The following SNTB1 variants were observed in gnomAD, a reference collection of about 807,000 sequenced individuals.
SNTB1 encodes the protein beta-1-syntrophin.
SNTB1 carries 36 observed loss-of-function variants against 48.9 expected under a neutral mutation model. The ratio of observed to expected loss-of-function variants is 0.74; its 90% CI spans 0.56 to 0.97. The LOEUF (loss-of-function observed/expected upper bound fraction) is 0.97, where lower values mean the gene tolerates loss of function less well. Among genes scored for constraint, SNTB1 ranks in the 50% least tolerant of loss-of-function variants. The probability of loss-of-function intolerance (pLI) is 0.00; values close to 1 mark genes in which losing one functional copy is unlikely to be tolerated. For synonymous variants in SNTB1, 299 were observed against 294.6 expected, an observed-to-expected ratio of 1.01 and a Z score of -0.15; for missense variants, 786 against 703.4, an observed-to-expected ratio of 1.12 and a Z score of -1.33.
chr8:120,811,994 A>T lies in SNTB1; in HGVS notation c.-151T>A. ...GCGGGACTCCGCTCCGGGAGTTCGC[A>T]GACGCACTCGGCGGGAGTTGGCAGC... On this transcript the variant is annotated 5_prime_UTR_variant, in exon 1 of 7. Transcript: ENST00000517992. The T allele has an allele frequency of 7.9e-7, 1 of 1,268,850 alleles. No homozygotes were observed. The highest frequency in any genetic ancestry group is 3.0e-4 in the Middle Eastern group (1 of 3,310). The allele number at this position is 1,268,850 out of a possible 1,614,324, so 78.6% of individuals were successfully genotyped here.
At chr8:120,702,872 C>T (rs1043279602) in intron 1 of SNTB1, among the ~76,000 whole-genome samples, 1 of 152,134 alleles carries the variant, frequency 6.6e-6, no homozygotes, top group African/African-American at 2.4e-5. Context: ...CTTTTGATAC[C>T]TTCACTTTTC....
At chr8:120,669,741 C>T (rs1444531527) in intron 2 of SNTB1, among the ~76,000 whole-genome samples, 2 of 151,238 alleles carry the variant, frequency 1.3e-5, no homozygotes, top group South Asian at 2.1e-4. Context: ...CGTGAGCCAC[C>T]GCGCCCGGCC....
At chr8:120,550,652 G>A (rs1387537829) in intron 4 of SNTB1, among the ~76,000 whole-genome samples, 1 of 152,050 alleles carries the variant, frequency 6.6e-6, no homozygotes, top group African/African-American at 2.4e-5. Flanking sequence ...GCCCACACAA[G>A]GGGATTTAAC....
intron 1 of SNTB1, among the ~76,000 whole-genome samples, chr8:120,779,134 T>C (rs1051059000): frequency 6.6e-6 from 1 of 152,200 alleles, no homozygotes; most frequent in Admixed American, 6.5e-5. Context: ...CTGATAGTCA[T>C]AGGATCTAAT....
intron 1 of SNTB1, among the ~76,000 whole-genome samples, chr8:120,760,733 C>G (rs1431253038): frequency 1.3e-5 from 2 of 151,986 alleles, no homozygotes; most frequent in Non-Finnish European, 2.9e-5. Flanking sequence ...TTTACCAGAG[C>G]CTAACCTAGT....
In SNTB1 at chr8:120,759,798, C is replaced by T. The variant is rs550588248; in HGVS notation, c.571+51475G>A. ...TTGGCCCTCTAGTGTTCCCCACAAGCCTAGAGTCTCCTTGAGAGAAGGCCT... is the reference window on the plus strand; with the variant it reads ...TTGGCCCTCTAGTGTTCCCCACAAGTCTAGAGTCTCCTTGAGAGAAGGCCT... On this transcript the variant is annotated intron_variant, in intron 1 of 6. Coordinates refer to ENST00000517992, the MANE Select transcript of SNTB1 (RefSeq NM_021021.4). Among the ~76,000 whole-genome samples, 5 of 152,294 alleles carry T rather than the reference C, an allele frequency of 3.3e-5. No homozygotes were observed. In the South Asian group the frequency reaches 1.0e-3, roughly 32 times the overall value.
At position 120,693,830 on chromosome 8, in the gene SNTB1, G is replaced by A. The variant is rs1199225803; in HGVS notation, c.650C>T (p.Pro217Leu). The A allele has an allele frequency of 6.8e-6, 11 of 1,614,060 alleles. No homozygotes were observed. The highest frequency in any genetic ancestry group is 1.3e-5 in the African/African-American group (1 of 74,928). ...GCTGCCCCCTAACCGAGGGGATTCA[G>A]GCGGAGGTGTTTCCCACCCAATCTC... Reference protein sequence around the residue: ...VSEIGWETPPPESPRLGGSTS... With the variant: ...VSEIGWETPPLESPRLGGSTS... Residue 217 changes from proline to leucine, a missense_variant, in exon 2 of 7, where the codon CCT (proline) becomes CTT (leucine). Coordinates refer to ENST00000517992, the MANE Select transcript of SNTB1 (RefSeq NM_021021.4).
At chr8:120,784,805 G>T (rs116682340) in intron 1 of SNTB1, among the ~76,000 whole-genome samples, 1 of 152,144 alleles carries the variant, frequency 6.6e-6, no homozygotes. Context: ...AAGAAAAACG[G>T]AAAGAAATTG....
rs556385057 is a variant in SNTB1 at position 120,763,812 on chromosome 8, C to A, written c.571+47461G>T. Among the ~76,000 whole-genome samples the A allele has an allele frequency of 7.0e-4, 103 of 147,628 alleles. 1 individual carries two copies. The highest frequency in any genetic ancestry group is 2.7e-3 in the African/African-American group (101 of 37,174). Reference sequence around the variant, plus strand: ...ATTTTTTTTTTGTTTATTATGTGAGCAAACACCAAAATATTTGTTTGTTTT... The same window carrying A: ...ATTTTTTTTTTGTTTATTATGTGAGAAAACACCAAAATATTTGTTTGTTTT... On this transcript the variant is annotated intron_variant, in intron 1 of 6. Coordinates refer to ENST00000517992, the MANE Select transcript of SNTB1 (RefSeq NM_021021.4).
At chr8:120,794,546 A>C (rs1249294013) in intron 1 of SNTB1, among the ~76,000 whole-genome samples, 1 of 152,078 alleles carries the variant, frequency 6.6e-6, no homozygotes, top group African/African-American at 2.4e-5. Flanking sequence ...CAAGGTAAAT[A>C]TATAAAGAGG....
chr8:120,660,828 G>C (rs1335672702), intron 2 of SNTB1, among the ~76,000 whole-genome samples: 5 of 152,168 alleles, frequency 3.3e-5, no homozygotes, highest in Non-Finnish European at 7.3e-5. Context: ...AACCTTCAAA[G>C]AGGTATTCAC....
intron 2 of SNTB1, among the ~76,000 whole-genome samples, chr8:120,691,572 G>T (rs907072322): frequency 6.6e-6 from 1 of 152,170 alleles, no homozygotes; most frequent in Non-Finnish European, 1.5e-5. Context: ...TATCAAAGGA[G>T]AAAACTCTAC....
At chr8:120,781,106 T>C (rs2130129120) in intron 1 of SNTB1, among the ~76,000 whole-genome samples, 1 of 152,344 alleles carries the variant, frequency 6.6e-6, no homozygotes, top group Non-Finnish European at 1.5e-5. Context: ...AAGAGGTCTG[T>C]GGACCTACAG....
intron 1 of SNTB1, among the ~76,000 whole-genome samples, chr8:120,741,327 G>A (rs865828319): frequency 5.3e-5 from 8 of 152,244 alleles, no homozygotes; most frequent in African/African-American, 1.9e-4. Context: ...AGTGTTTTAC[G>A]GCCAGGCACG....
chr8:120,697,101 G>T (rs987799033), intron 1 of SNTB1, among the ~76,000 whole-genome samples: 1 of 152,228 alleles, frequency 6.6e-6, no homozygotes, highest in African/African-American at 2.4e-5. Flanking sequence ...CCACATAAGG[G>T]AAGAGTAATC....
At chr8:120,567,454 C>T (rs1359413701) in intron 4 of SNTB1, among the ~76,000 whole-genome samples, 6 of 144,266 alleles carry the variant, frequency 4.2e-5, no homozygotes, top group African/African-American at 1.3e-4. Context: ...GGGTCTTGCT[C>T]TGGACCCAGG....
intron 2 of SNTB1, among the ~76,000 whole-genome samples, chr8:120,650,447 A>G (rs957547249): frequency 1.3e-5 from 2 of 152,172 alleles, no homozygotes; most frequent in Non-Finnish European, 2.9e-5. Flanking sequence ...AAAAGAATTC[A>G]GCAACCTACC....
intron 1 of SNTB1, among the ~76,000 whole-genome samples, chr8:120,722,986 A>T (rs746195841): frequency 2.6e-5 from 4 of 152,128 alleles, no homozygotes; most frequent in African/African-American, 4.8e-5. Flanking sequence ...ATATGGCTAG[A>T]CAGTTTTCCC....
At chr8:120,760,113 T>C (rs1377689893) in intron 1 of SNTB1, among the ~76,000 whole-genome samples, 4 of 152,206 alleles carry the variant, frequency 2.6e-5, no homozygotes, top group African/African-American at 9.6e-5. Flanking sequence ...AAGTTTGATA[T>C]TGAATTTGAT....
Sources: allele counts gnomAD v4.1 joint callset (sites outside exome capture counted in the v4.1 genomes callset), GRCh38; gene constraint gnomAD v4.1.1; transcripts MANE v1.5; gene names NCBI Gene and HGNC (gene_info 2026-07-23, HGNC 2026-07-21).